Variants in FMO3 observed in about 807,000 individuals in gnomAD.
FMO3 encodes the protein flavin-containing monooxygenase 3.
Under a neutral mutation model 39.4 loss-of-function variants are expected in FMO3, and 40 were observed. That is an observed-to-expected ratio of 1.02 (90% CI 0.79 to 1.32). The LOEUF (loss-of-function observed/expected upper bound fraction) is 1.32, where lower values mean the gene tolerates loss of function less well. FMO3 is among the 40% of genes most tolerant of loss of function. FMO3 has a pLI of 0.00. For synonymous variants in FMO3, 219 were observed against 228.8 expected, an observed-to-expected ratio of 0.96 and a Z score of 0.39; for missense variants, 680 against 651.8, an observed-to-expected ratio of 1.04 and a Z score of -0.47.
In FMO3 at chr1:171,101,374, T is replaced by C. The variant is rs150430022; in HGVS notation, c.133-2411T>C. Among the ~76,000 whole-genome samples the C allele has an allele frequency of 2.0e-3, 301 of 152,282 alleles. 3 individuals carry two copies. The highest frequency in any genetic ancestry group is 6.8e-3 in the African/African-American group (281 of 41,566). On this transcript the variant is annotated intron_variant, in intron 2 of 8. Coordinates refer to ENST00000367755, the MANE Select transcript of FMO3 (RefSeq NM_001002294.3). ...TTTTCAGCGTTTCCTATTTTACTAC[T>C]GTGAGGGGGCTTATAGATTGCAAAT...
At chr1:171,117,048 T>C in intron 8 of FMO3, 52 bp from the exon 9 acceptor site, 1 of 1,349,174 alleles carries the variant, frequency 7.4e-7, no homozygotes. Flanking sequence ...CTCTGTTCTG[T>C]TTCTACACAG....
At position 171,110,802 on chromosome 1, in the gene FMO3, T is replaced by C. The variant is rs748535784; in HGVS notation, c.632T>C (p.Met211Thr). Residue 211 changes from methionine to threonine, a missense_variant, in exon 6 of 9, where the codon ATG becomes ACG. Met to Thr is a moderately conservative substitution (Grantham distance 81). Transcript: ENST00000367755. ...GTTGAATTGGTGTTTTTTAAGGTCA[T>C]GATCAGTTCCAGAAGTGGCTCCTGG... ...TELSRTAEQV[M>T]ISSRSGSWVM... is the part of the protein sequence containing the mutation. The C allele has an allele frequency of 5.0e-6, 8 of 1,613,808 alleles. No homozygotes were observed. In the African/African-American group the frequency reaches 8.0e-5, roughly 16 times the overall value.
chr1:171,110,869 G>A lies in FMO3; in HGVS notation c.699G>A (p.Met233Ile). ...RVWDNGYPWD[M>I]LLVTRFGTFL... Reference sequence around the variant, plus strand: ...GGGACAATGGTTATCCTTGGGACATGCTGCTCGTCACTCGATTTGGAACCT... The same window carrying A: ...GGGACAATGGTTATCCTTGGGACATACTGCTCGTCACTCGATTTGGAACCT... Residue 233 changes from methionine (M) to isoleucine (I), a missense_variant, in exon 6 of 9, where the codon ATG becomes ATA. By Grantham distance (10) the Met-to-Ile change is conservative (BLOSUM62 1). Coordinates refer to ENST00000367755, the MANE Select transcript of FMO3 (RefSeq NM_001002294.3). The A allele has an allele frequency of 6.2e-7, 1 of 1,614,036 alleles. No homozygotes were observed. The highest frequency in any genetic ancestry group is 8.5e-7 in the Non-Finnish European group (1 of 1,179,950).
chr1:171,101,814 C>T (rs559087377), intron 2 of FMO3: 1 of 493,068 alleles, frequency 2.0e-6, no homozygotes, highest in Admixed American at 2.1e-5. Flanking sequence ...CCTCTTTTCT[C>T]AGGAGCTCCC....
chr1:171,096,309 TA>T (rs1655046593), intron 2 of FMO3, among the ~76,000 whole-genome samples: 1 of 94,522 alleles, frequency 1.1e-5, no homozygotes, highest in African/African-American at 4.6e-5. Flanking sequence ...ATATCATATA[TA>T]ATATTTATAT....
At chr1:171,116,302 G>C in intron 8 of FMO3, 22 bp downstream of exon 8, 1 of 1,263,162 alleles carries the variant, frequency 7.9e-7, no homozygotes, top group Non-Finnish European at 1.2e-6. Context: ...TATTGTAATA[G>C]GAGTGTAGGA....
At chr1:171,107,874 A>G in intron 4 of FMO3, 37 bp downstream of exon 4, 1 of 1,589,228 alleles carries the variant, frequency 6.3e-7, no homozygotes, top group South Asian at 1.1e-5. Context: ...CACATAACTG[A>G]CAAAAATGAA....
chr1:171,095,710 T>C (rs1654925526), intron 2 of FMO3, among the ~76,000 whole-genome samples: 1 of 142,006 alleles, frequency 7.0e-6, no homozygotes, highest in Non-Finnish European at 1.5e-5. Context: ...GCATCTTTTC[T>C]TAAAAATATG....
chr1:171,097,383 T>TGG (rs1557935274), intron 2 of FMO3, among the ~76,000 whole-genome samples: 1 of 106,600 alleles, frequency 9.4e-6, no homozygotes, highest in Non-Finnish European at 1.8e-5. Context: ...TCCACAATGG[T>TGG]TGAACTAGTT....
chr1:171,115,486 A>G (rs994285592), intron 7 of FMO3, among the ~76,000 whole-genome samples: 3 of 152,186 alleles, frequency 2.0e-5, no homozygotes, highest in Non-Finnish European at 4.4e-5. Context: ...CCCTATAAGA[A>G]GTGTAGAAAT....
intron 2 of FMO3, chr1:171,100,861 G>A (rs1352104517): frequency 3.6e-6 from 1 of 279,164 alleles, no homozygotes; most frequent in Non-Finnish European, 7.2e-6. Context: ...TTACTTACAA[G>A]AGAAAAGGGT....
intron 2 of FMO3, among the ~76,000 whole-genome samples, chr1:171,095,946 T>G (rs1158599387): frequency 3.4e-3 from 1 of 296 alleles, no homozygotes; most frequent in Non-Finnish European, 6.8e-3. Flanking sequence ...AATATATATT[T>G]ATGTATTATA....
chr1:171,097,538 T>C (rs61814298), intron 2 of FMO3, among the ~76,000 whole-genome samples: 56,719 of 103,724 alleles, frequency 0.55, 18,744 homozygotes, highest in African/African-American at 0.82. Flanking sequence ...TCTCTGATGG[T>C]CAGTGATGGT....
At position 171,117,612 on chromosome 1, in the gene FMO3, A is replaced by C. The variant is rs1656223004; in HGVS notation, c.*170A>C. The C allele has an allele frequency of 1.7e-6, 1 of 580,542 alleles. No homozygotes were observed. Among genetic ancestry groups the C allele is most frequent in the South Asian group, 2.4e-5 (1 of 42,004 alleles). The allele number at this position is 580,542 out of a possible 1,614,324, so 36.0% of individuals were successfully genotyped here. ...GTTATTTCTAGGCTCTGAAATAGCC[A>C]CTTTAAGAATCATGTCATGATCTTA... On this transcript the variant is annotated 3_prime_UTR_variant, in exon 9 of 9. Transcript: ENST00000367755.
chr1:171,108,668 A>G (rs540626364), intron 5 of FMO3, among the ~76,000 whole-genome samples: 1 of 152,290 alleles, frequency 6.6e-6, no homozygotes, highest in East Asian at 1.9e-4. Flanking sequence ...TCATTTATTC[A>G]TTCATTTATG....
In FMO3 at chr1:171,103,790, T is replaced by A. The variant is rs776440505; in HGVS notation, c.138T>A (p.His46Gln). Residue 46 changes from histidine to glutamine, a missense_variant, in exon 3 of 9, where the codon CAT becomes CAA. Coordinates refer to ENST00000367755, the MANE Select transcript of FMO3 (RefSeq NM_001002294.3). The stretch of plus-strand genomic sequence containing the variant: ...TTGATACTATACATTCACAGGACCA[T>A]GCAGAGGAGGGCAGGGCTAGCATTT... ...DIGGLWKFSD[H>Q]AEEGRASIYK... 1.2e-6 allele frequency: 2 copies of A among 1,612,918 alleles called. No homozygotes were observed. The highest frequency in any genetic ancestry group is 3.3e-5 in the Admixed American group (2 of 59,988).
chr1:171,116,985 AAGAG>A (rs1281021846), intron 8 of FMO3, 111 bp from the exon 9 acceptor site: 7 of 806,102 alleles, frequency 8.7e-6, no homozygotes, highest in South Asian at 1.5e-5. Context: ...TTTTTTTAGA[AAGAG>A]AGAGAGATTG....
intron 2 of FMO3, among the ~76,000 whole-genome samples, chr1:171,095,804 T>C (rs1208844812): frequency 8.3e-6 from 1 of 120,876 alleles, no homozygotes; most frequent in Non-Finnish European, 1.7e-5. Flanking sequence ...AAAATATAAA[T>C]ATATATTTAT....
At chr1:171,116,847 T>C (rs760581267) in intron 8 of FMO3, among the ~76,000 whole-genome samples, 4 of 152,176 alleles carry the variant, frequency 2.6e-5, no homozygotes, top group Non-Finnish European at 5.9e-5. Flanking sequence ...CTCAGCTGCA[T>C]TGCAGTGTTG....
Sources: gnomAD v4.1 joint callset for allele counts (sites outside exome capture counted in the v4.1 genomes callset) on GRCh38, gnomAD v4.1.1 for gene constraint, MANE v1.5 for transcripts, NCBI Gene and HGNC (gene_info 2026-07-23, HGNC 2026-07-21) for gene names.